The following NCAM1 variants were observed in gnomAD, a reference collection of about 807,000 sequenced individuals.
NCAM1 encodes the protein antigen recognized by monoclonal antibody 5.1H11.
In NCAM1, 14 loss-of-function variants were observed where a neutral mutation model predicts 109.8. The observed-to-expected ratio is 0.13, with a 90% CI of 0.08 to 0.20. The LOEUF (loss-of-function observed/expected upper bound fraction) is 0.20. Ranked by LOEUF, NCAM1 falls within the 10% of genes least tolerant of loss-of-function variation. NCAM1 has a pLI of 1.00. For synonymous variants in NCAM1, 418 were observed against 442.9 expected (o/e 0.94, Z 0.70); for missense variants, 774 against 1,109.9 (o/e 0.70, Z 4.30).
chr11:113,247,243 T>C (rs1413940895), intron 15 of NCAM1, among the ~76,000 whole-genome samples: 3 of 152,198 alleles, frequency 2.0e-5, no homozygotes, highest in African/African-American at 7.2e-5. Flanking sequence ...ATTCAGAACC[T>C]GCCCTTTGAG....
At chr11:113,150,120 A>G (rs1350390407) in intron 1 of NCAM1, among the ~76,000 whole-genome samples, 2 of 152,262 alleles carry the variant, frequency 1.3e-5, no homozygotes, top group Non-Finnish European at 2.9e-5. Context: ...TTAAAATAAA[A>G]AAATAAATAA....
At chr11:113,136,042 G>C (rs182515871) in intron 1 of NCAM1, among the ~76,000 whole-genome samples, 2 of 152,222 alleles carry the variant, frequency 1.3e-5, no homozygotes, top group East Asian at 3.9e-4. Context: ...GTAATACTGG[G>C]CGTGGTGACA....
At position 113,260,241 on chromosome 11, in the gene NCAM1, C is replaced by T. The variant is rs782085086; in HGVS notation, c.2049C>T (p.Tyr683=). The change falls in exon 17 of 20, where the codon TAC becomes TAT. Residue 683 remains tyrosine, a synonymous_variant. Transcript: ENST00000316851. ...ACTGGAATGCTGAGTATGAGGTCTA[C>T]GTGGTGGCTGAGAACCAGCAAGGAA... The part of the protein sequence containing the change: ...SLDWNAEYEV[Y]VVAENQQGKS... 108 of 1,613,822 alleles carry T rather than the reference C, an allele frequency of 6.7e-5. No homozygotes were observed. The highest frequency in any genetic ancestry group is 8.3e-5 in the Non-Finnish European group (98 of 1,179,880).
rs1434118921 is a variant in NCAM1 at position 113,273,490 on chromosome 11, C to T, written c.2456+1614C>T. 8.9e-6 allele frequency: 3 copies of T among 335,494 alleles called. No individual in the cohort carries two copies. Among genetic ancestry groups the T allele is most frequent in the South Asian group, 6.6e-5 (3 of 45,358 alleles). The allele number at this position is 335,494 out of a possible 1,614,324, so 20.8% of individuals were successfully genotyped here. A position where few individuals can be genotyped will look rare whatever the true frequency, so the allele number is the denominator to read the frequency against. On this transcript the variant is annotated intron_variant, in intron 19 of 19. Coordinates refer to ENST00000316851, the MANE Select transcript of NCAM1 (RefSeq NM_181351.5). This position sits in a 1 kb window ranked among gnomAD's most constrained non-coding sequence, Gnocchi z 6.0. The stretch of plus-strand genomic sequence containing the variant: ...CCGGAGCCCACCCAGCCCGGAGCCG[C>T]GAAGAGCCCGGCCGAGGCAGCCACA...
chr11:113,180,949 G>A (rs955734129), intron 1 of NCAM1, among the ~76,000 whole-genome samples: 2 of 152,214 alleles, frequency 1.3e-5, no homozygotes, highest in Admixed American at 6.5e-5. Flanking sequence ...ACAGTTAAAC[G>A]CTTCGGTGTT....
At chr11:113,166,463 G>A (rs1385907561) in intron 1 of NCAM1, among the ~76,000 whole-genome samples, 1 of 152,254 alleles carries the variant, frequency 6.6e-6, no homozygotes, top group Non-Finnish European at 1.5e-5. Flanking sequence ...CCTTGGGCAA[G>A]TCATTTTAAC....
intron 9 of NCAM1, among the ~76,000 whole-genome samples, chr11:113,224,709 C>T (rs185572606): frequency 3.3e-4 from 51 of 152,326 alleles, no homozygotes; most frequent in East Asian, 1.4e-3. Context: ...ACACCTCACA[C>T]GGCCAGGTAC....
chr11:113,154,624 C>G (rs1942345065), intron 1 of NCAM1, among the ~76,000 whole-genome samples: 1 of 152,112 alleles, frequency 6.6e-6, no homozygotes, highest in Admixed American at 6.5e-5. Context: ...GTACTAGTGT[C>G]TATAGCTACA....
chr11:112,982,971 GAGA>G (rs1318279811), intron 1 of NCAM1, among the ~76,000 whole-genome samples: 2 of 151,874 alleles, frequency 1.3e-5, no homozygotes, highest in African/African-American at 2.4e-5. Flanking sequence ...CATTTAGAGA[GAGA>G]AGCAGAGAGG....
intron 1 of NCAM1, among the ~76,000 whole-genome samples, chr11:113,153,468 G>A (rs1341800466): frequency 6.6e-6 from 1 of 150,412 alleles, no homozygotes; most frequent in Non-Finnish European, 1.5e-5. Flanking sequence ...GAGAGAGAGA[G>A]AGAGAGAGTG....
At chr11:113,014,776 A>G (rs1179497249) in intron 1 of NCAM1, among the ~76,000 whole-genome samples, 1 of 152,248 alleles carries the variant, frequency 6.6e-6, no homozygotes, top group Non-Finnish European at 1.5e-5. Context: ...CATTCAGGCT[A>G]GCACACAGCT....
intron 1 of NCAM1, among the ~76,000 whole-genome samples, chr11:113,035,555 C>A (rs1344521404): frequency 1.3e-5 from 2 of 152,154 alleles, no homozygotes; most frequent in East Asian, 3.9e-4. Context: ...TTTTTAAGAG[C>A]CCGCCACTGA....
chr11:113,271,028 C>T (rs1031636866), intron 18 of NCAM1, among the ~76,000 whole-genome samples: 2 of 152,136 alleles, frequency 1.3e-5, no homozygotes, highest in Non-Finnish European at 2.9e-5. Context: ...AGTTGTTTAG[C>T]ACCACCACAT....
In NCAM1 at chr11:113,247,097, C is replaced by T. The variant is rs192188915; in HGVS notation, c.1828+727C>T. Among the ~76,000 whole-genome samples the T allele has an allele frequency of 2.6e-5, 4 of 152,260 alleles. No homozygotes were observed. In the East Asian group the frequency reaches 7.7e-4, roughly 29 times the overall value. On this transcript the variant is annotated intron_variant, in intron 15 of 19. Transcript: ENST00000316851. ...GCAGCAAAGGAAATAAAATTATAGCCTAATTAAGTGCATAGCGGTGACAAA... is the reference window on the plus strand; with the variant it reads ...GCAGCAAAGGAAATAAAATTATAGCTTAATTAAGTGCATAGCGGTGACAAA...
chr11:113,014,608 G>A (rs1565382858), intron 1 of NCAM1, among the ~76,000 whole-genome samples: 1 of 152,156 alleles, frequency 6.6e-6, no homozygotes, highest in South Asian at 2.1e-4. Flanking sequence ...TGTTATAAAC[G>A]TCAACATAAG....
At chr11:113,219,900 CCTT>C (rs1944635507) in intron 8 of NCAM1, among the ~76,000 whole-genome samples, 5 of 152,196 alleles carry the variant, frequency 3.3e-5, no homozygotes, top group African/African-American at 9.7e-5. Context: ...TCTGTTCTCA[CCTT>C]CTTCTTCATT....
At chr11:113,262,894 T>A (rs1555123665) in intron 17 of NCAM1, 5 of 1,613,950 alleles carry the variant, frequency 3.1e-6, no homozygotes, top group Non-Finnish European at 3.4e-6. Context: ...TCATTGCTTT[T>A]CTCTGCAGTG....
chr11:113,138,220 C>T (rs781869528), intron 1 of NCAM1, among the ~76,000 whole-genome samples: 3 of 152,188 alleles, frequency 2.0e-5, no homozygotes, highest in Non-Finnish European at 4.4e-5. Flanking sequence ...AATTTCTCGA[C>T]GTGCTGGCAG....
intron 1 of NCAM1, among the ~76,000 whole-genome samples, chr11:112,997,552 C>G (rs1951628004): frequency 6.6e-6 from 1 of 151,986 alleles, no homozygotes; most frequent in Non-Finnish European, 1.5e-5. Flanking sequence ...GAGTTCAAGG[C>G]CAGGAACAAG....
Sources: allele counts gnomAD v4.1 joint callset (sites outside exome capture counted in the v4.1 genomes callset), GRCh38; gene constraint gnomAD v4.1.1; non-coding constraint Gnocchi (gnomAD v3.1); transcripts MANE v1.5; gene names NCBI Gene and HGNC (gene_info 2026-07-23, HGNC 2026-07-21).